Variants in OR7E24 observed in about 807,000 individuals in gnomAD.
The protein encoded by OR7E24 is olfactory receptor 7E24.
For synonymous variants in OR7E24, 130 were observed against 157.5 expected (o/e 0.83, Z 1.31); for missense variants, 385 against 410.3 (o/e 0.94, Z 0.53).
the OR7E24 span, among the ~76,000 whole-genome samples, chr19:9,224,170 G>C: frequency 8.6e-5 from 13 of 151,964 alleles, no homozygotes; most frequent in African/African-American, 3.1e-4. Context: ...CTTTCTACAC[G>C]TGCAGCTTTC....
chr19:9,211,601 T>C, the OR7E24 span: 1 of 151,958 alleles, frequency 6.6e-6, no homozygotes, highest in South Asian at 2.1e-4. Flanking sequence ...TCCCAGCACT[T>C]TGGGAGGCCG....
chr19:9,221,853 G>T, the OR7E24 span, among the ~76,000 whole-genome samples: 1 of 151,994 alleles, frequency 6.6e-6, no homozygotes, highest in African/African-American at 2.4e-5. Flanking sequence ...TATTGCTTTT[G>T]TTGTCTGTGC....
At chr19:9,214,045 T>C in the OR7E24 span, 3 of 1,613,808 alleles carry the variant, frequency 1.9e-6, no homozygotes, top group Admixed American at 5.0e-5. Flanking sequence ...GAAGAATGGG[T>C]CACAGCAGAA....
the OR7E24 span, among the ~76,000 whole-genome samples, chr19:9,240,768 T>C: frequency 6.6e-6 from 1 of 152,210 alleles, no homozygotes; most frequent in Non-Finnish European, 1.5e-5. Context: ...TATGTTTTTT[T>C]CTAAGAGTTT....
chr19:9,236,075 G>C, the OR7E24 span: 1 of 1,478,910 alleles, frequency 6.8e-7, no homozygotes, highest in Admixed American at 1.7e-5. Context: ...GCAGCCTCTT[G>C]TCTCTTACGG....
chr19:9,223,781 A>T, the OR7E24 span, among the ~76,000 whole-genome samples: 1 of 147,074 alleles, frequency 6.8e-6, no homozygotes, highest in African/African-American at 2.5e-5. Context: ...CTGCTCCCCA[A>T]TGGACCCTAG....
At chr19:9,233,509 C>T in the OR7E24 span, among the ~76,000 whole-genome samples, 1 of 152,184 alleles carries the variant, frequency 6.6e-6, no homozygotes. Context: ...GTTTCCTCCT[C>T]TTATATATGT....
chr19:9,221,474 C>T, the OR7E24 span, among the ~76,000 whole-genome samples: 1 of 148,586 alleles, frequency 6.7e-6, no homozygotes. Context: ...CCTCAGCCTC[C>T]CGAGTAGCTG....
chr19:9,227,718 A>G, the OR7E24 span, among the ~76,000 whole-genome samples: 11 of 150,928 alleles, frequency 7.3e-5, 1 homozygote, highest in Admixed American at 6.6e-5. Flanking sequence ...GTATATACCC[A>G]GTAATGGGAT....
chr19:9,213,804 A>AT, the OR7E24 span: 1 of 881,636 alleles, frequency 1.1e-6, no homozygotes, highest in Non-Finnish European at 1.8e-6. Flanking sequence ...CATCAAGCAC[A>AT]TTTTTTAAAA....
chr19:9,213,878 T>C, the OR7E24 span: 1 of 1,577,498 alleles, frequency 6.3e-7, no homozygotes, highest in Non-Finnish European at 8.7e-7. Context: ...TGTGTCCTCT[T>C]AGTTCTGAGG....
At chr19:9,209,378 T>G in the OR7E24 span, 2 of 152,134 alleles carry the variant, frequency 1.3e-5, no homozygotes, top group Non-Finnish European at 2.9e-5. Flanking sequence ...AGTCAAATGT[T>G]AGTTTCCCTT....
At chr19:9,215,364 A>G in the OR7E24 span, among the ~76,000 whole-genome samples, 1 of 145,476 alleles carries the variant, frequency 6.9e-6, no homozygotes, top group Non-Finnish European at 1.5e-5. Flanking sequence ...AAAAAAAAAA[A>G]ACCTCTTTTT....
chr19:9,236,906 A>G, the OR7E24 span, among the ~76,000 whole-genome samples: 1 of 152,210 alleles, frequency 6.6e-6, no homozygotes, highest in Non-Finnish European at 1.5e-5. Flanking sequence ...TCTGCTTACT[A>G]GTTTACATCT....
chr19:9,212,385 T>C, the OR7E24 span: 2 of 152,260 alleles, frequency 1.3e-5, no homozygotes, highest in East Asian at 1.9e-4. Flanking sequence ...AAACAGAAAA[T>C]ACTGGCTACC....
chr19:9,240,671 A>G, the OR7E24 span, among the ~76,000 whole-genome samples: 2 of 152,254 alleles, frequency 1.3e-5, no homozygotes, highest in South Asian at 4.1e-4. Flanking sequence ...GAAGTTCAAT[A>G]TATCTATTTT....
At chr19:9,247,843 A>T (rs1252426804), upstream of OR7E24, among the ~76,000 whole-genome samples, 6 of 152,016 alleles carry the variant, frequency 3.9e-5, no homozygotes, top group African/African-American at 9.7e-5. Context: ...TTTTATTTGC[A>T]TGTCCCTGCC....
rs1421097488 is a variant in OR7E24, at chr19:9,251,955, C to A, written c.912C>A (p.Asn304Lys). Residue 304 changes from asparagine to lysine, a missense_variant, in exon 1 of 1, where the codon AAC becomes AAA. Asn to Lys is a moderately conservative substitution (Grantham distance 94). Transcript: ENST00000456448. ...ACACTGTGGTCACCCCCATGCTGAA[C>A]CCCTTCATCTACAGCCTGAGGAACA... ...VMYTVVTPML[N>K]PFIYSLRNKD... The A allele has an allele frequency of 6.2e-7, 1 of 1,614,146 alleles. No homozygotes were observed. Among genetic ancestry groups the A allele is most frequent in the Non-Finnish European group, 8.5e-7 (1 of 1,180,004 alleles).
chr19:9,230,177 T>A, the OR7E24 span, among the ~76,000 whole-genome samples: 19 of 151,906 alleles, frequency 1.3e-4, no homozygotes, highest in Non-Finnish European at 2.8e-4. Context: ...CCTGAGTAGC[T>A]GGGATTACAG....
Sources: allele counts gnomAD v4.1 joint callset (sites outside exome capture counted in the v4.1 genomes callset), GRCh38; gene constraint gnomAD v4.1.1; transcripts MANE v1.5; gene names NCBI Gene and HGNC (gene_info 2026-07-23, HGNC 2026-07-21).